The following LPP variants were observed in gnomAD, a reference collection of about 807,000 sequenced individuals.
The protein encoded by LPP is lipoma-preferred partner.
In LPP, 38 loss-of-function variants were observed where a neutral mutation model predicts 60.4. That is an observed-to-expected ratio of 0.63 (90% CI 0.49 to 0.83). The LOEUF (loss-of-function observed/expected upper bound fraction) is 0.83, where lower values mean the gene tolerates loss of function less well. Among genes scored for constraint, LPP ranks in the 40% least tolerant of loss-of-function variants. The probability of loss-of-function intolerance (pLI) is 0.00; values close to 1 mark genes in which losing one functional copy is unlikely to be tolerated. For missense variants in LPP, 902 were observed against 783.6 expected (o/e 1.15, Z -1.80); for synonymous variants, 328 against 290.8 (o/e 1.13, Z -1.30).
chr3:188,564,800 T>G (rs1232984485), intron 6 of LPP, among the ~76,000 whole-genome samples: 1 of 151,962 alleles, frequency 6.6e-6, no homozygotes, highest in Non-Finnish European at 1.5e-5. Flanking sequence ...ATCCAGTGTT[T>G]CCTTGTCCGG....
intron 8 of LPP, among the ~76,000 whole-genome samples, chr3:188,742,516 T>A (rs530233455): frequency 5.3e-5 from 8 of 152,186 alleles, no homozygotes; most frequent in African/African-American, 1.9e-4. Flanking sequence ...AAAAATATGA[T>A]GCTGAATAAA....
chr3:188,448,484 A>T (rs1409637458), intron 4 of LPP, among the ~76,000 whole-genome samples: 1 of 151,986 alleles, frequency 6.6e-6, no homozygotes, highest in Non-Finnish European at 1.5e-5. Context: ...AGATATCTTT[A>T]TCTAAATATC....
chr3:188,672,962 T>C (rs1857245835), intron 7 of LPP, among the ~76,000 whole-genome samples: 1 of 150,500 alleles, frequency 6.6e-6, no homozygotes. Flanking sequence ...CTTTTATTGT[T>C]TTTTTTTTTT....
chr3:188,329,485 G>A (rs1485543741), intron 2 of LPP, among the ~76,000 whole-genome samples: 3 of 152,102 alleles, frequency 2.0e-5, no homozygotes, highest in Non-Finnish European at 2.9e-5. Context: ...TTACATTCCT[G>A]ATCAAAAAAC....
intron 6 of LPP, among the ~76,000 whole-genome samples, chr3:188,585,227 G>A (rs28615981): frequency 0.28 from 43,245 of 152,050 alleles, 6,774 homozygotes; most frequent in Non-Finnish European, 0.35. Context: ...AACTTATTAA[G>A]CTTGTTGCCT....
intron 8 of LPP, among the ~76,000 whole-genome samples, chr3:188,755,752 G>C (rs111770976): frequency 4.3e-5 from 6 of 139,692 alleles, no homozygotes; most frequent in African/African-American, 1.6e-4. Flanking sequence ...CAAGGGTGTA[G>C]TGAACCATGA....
At chr3:188,315,202 T>C (rs1454827553) in intron 2 of LPP, among the ~76,000 whole-genome samples, 1 of 152,164 alleles carries the variant, frequency 6.6e-6, no homozygotes, top group Admixed American at 6.5e-5. Context: ...TAAAATAATT[T>C]CTCATGATTG....
intron 6 of LPP, among the ~76,000 whole-genome samples, chr3:188,558,687 T>C (rs1191986708): frequency 2.6e-5 from 4 of 151,986 alleles, no homozygotes; most frequent in Admixed American, 6.6e-5. Flanking sequence ...TTAAGAAAAA[T>C]AGTAAATAGC....
intron 9 of LPP, among the ~76,000 whole-genome samples, chr3:188,791,549 G>A (rs972298381): frequency 6.6e-6 from 1 of 151,832 alleles, no homozygotes; most frequent in African/African-American, 2.4e-5. Flanking sequence ...TATCTCTCTA[G>A]CCTCATTTCT....
chr3:188,753,855 C>T (rs1729084596), intron 8 of LPP, among the ~76,000 whole-genome samples: 1 of 152,156 alleles, frequency 6.6e-6, no homozygotes, highest in African/African-American at 2.4e-5. Context: ...CTTTCCCCCA[C>T]TAGCCACGTA....
chr3:188,467,761 C>T (rs1800837900), intron 4 of LPP, among the ~76,000 whole-genome samples: 1 of 152,006 alleles, frequency 6.6e-6, no homozygotes, highest in African/African-American at 2.4e-5. Context: ...GGCCACAAGC[C>T]AAAGAATGAG....
chr3:188,160,237 C>T (rs910948772), intron 1 of LPP, among the ~76,000 whole-genome samples: 2 of 150,862 alleles, frequency 1.3e-5, no homozygotes, highest in African/African-American at 4.9e-5. Context: ...TCTTGTTGCC[C>T]AGGCTGTAGT....
intron 7 of LPP, among the ~76,000 whole-genome samples, chr3:188,673,127 AC>A (rs1281117757): frequency 6.6e-6 from 1 of 152,200 alleles, no homozygotes; most frequent in African/African-American, 2.4e-5. Context: ...TTGAAGGAGT[AC>A]AAATTAAACA....
intron 8 of LPP, among the ~76,000 whole-genome samples, chr3:188,738,652 T>A (rs1723348031): frequency 6.6e-6 from 1 of 152,162 alleles, no homozygotes; most frequent in African/African-American, 2.4e-5. Context: ...ATGTAAAAAG[T>A]CTCTTAGTTG....
intron 7 of LPP, among the ~76,000 whole-genome samples, chr3:188,657,281 T>TATATATATA (rs10529848): frequency 2.1e-5 from 3 of 143,590 alleles, no homozygotes; most frequent in Non-Finnish European, 4.6e-5. Flanking sequence ...TATATATATA[T>TATATATATA]TTCCAAAAGC....
chr3:188,606,818 AAG>A (rs1560627082), intron 6 of LPP, among the ~76,000 whole-genome samples: 1 of 152,070 alleles, frequency 6.6e-6, no homozygotes. Flanking sequence ...CATTGAATGA[AAG>A]AGGGAATAAA....
In LPP at chr3:188,744,322, G is replaced by A. The variant is rs188531382; in HGVS notation, c.1241-15791G>A. On this transcript the variant is annotated intron_variant, in intron 8 of 11. Transcript: ENST00000617246. ...ACAAAATTGCCCAAAATGGGAATGCGGAAGCTGTTTCTTACCTTTCATTTT... is the reference window on the plus strand; with the variant it reads ...ACAAAATTGCCCAAAATGGGAATGCAGAAGCTGTTTCTTACCTTTCATTTT... Among the ~76,000 whole-genome samples the A allele has an allele frequency of 9.4e-3, 1,425 of 152,154 alleles. 6 individuals carry two copies. Among genetic ancestry groups the A allele is most frequent in the South Asian group, 0.017 (83 of 4,824 alleles).
chr3:188,490,133 G>A (rs1579303857), intron 5 of LPP, among the ~76,000 whole-genome samples: 2 of 152,150 alleles, frequency 1.3e-5, no homozygotes, highest in African/African-American at 4.8e-5. Flanking sequence ...AAAAAGTGAT[G>A]CAAAGTCAGA....
At chr3:188,743,230 A>G (rs1394875261) in intron 8 of LPP, among the ~76,000 whole-genome samples, 1 of 152,156 alleles carries the variant, frequency 6.6e-6, no homozygotes, top group Non-Finnish European at 1.5e-5. Flanking sequence ...AATTTACATA[A>G]TAATTGGTTA....
Sources: gnomAD v4.1 joint callset for allele counts (sites outside exome capture counted in the v4.1 genomes callset) on GRCh38, gnomAD v4.1.1 for gene constraint, MANE v1.5 for transcripts, NCBI Gene and HGNC (gene_info 2026-07-23, HGNC 2026-07-21) for gene names.